The following PHACTR3 variants were observed in gnomAD, a reference collection of about 807,000 sequenced individuals.
The protein encoded by PHACTR3 is phosphatase and actin regulator 3.
Under a neutral mutation model 66.8 loss-of-function variants are expected in PHACTR3, and 16 were observed. The ratio of observed to expected loss-of-function variants is 0.24; its 90% confidence interval spans 0.16 to 0.36. PHACTR3 has a LOEUF of 0.36. Ranked by LOEUF, PHACTR3 falls within the 10% of genes least tolerant of loss-of-function variation. The pLI, the probability that PHACTR3 is intolerant of heterozygous loss-of-function variation, is 1.00. For missense variants in PHACTR3, 647 were observed against 719.9 expected, an observed-to-expected ratio of 0.90 and a Z score of 1.16; for synonymous variants, 323 against 292.1, an observed-to-expected ratio of 1.11 and a Z score of -1.08.
chr20:59,642,656 T>C (rs983345898), intron 1 of PHACTR3, among the ~76,000 whole-genome samples: 116 of 152,184 alleles, frequency 7.6e-4, no homozygotes, highest in African/African-American at 2.8e-3. Flanking sequence ...GCTTGAGGCT[T>C]TTGTTTGCTT....
At chr20:59,793,741 CT>C (rs762128646) in intron 7 of PHACTR3, among the ~76,000 whole-genome samples, 6 of 150,984 alleles carry the variant, frequency 4.0e-5, no homozygotes. Flanking sequence ...TTAGCTTTTC[CT>C]TTCTAATTTG....
At chr20:59,667,363 G>A (rs1258406444) in intron 1 of PHACTR3, among the ~76,000 whole-genome samples, 2 of 152,348 alleles carry the variant, frequency 1.3e-5, no homozygotes, top group East Asian at 3.9e-4. Context: ...CTTTGCCACA[G>A]GGCATTTGCT....
intron 1 of PHACTR3, among the ~76,000 whole-genome samples, chr20:59,669,834 C>T (rs1006530095): frequency 2.0e-5 from 3 of 152,178 alleles, no homozygotes; most frequent in Non-Finnish European, 4.4e-5. Flanking sequence ...AATGATATTC[C>T]ACTGTCTGGA....
chr20:59,837,993 A>G (rs1407831405), intron 9 of PHACTR3, among the ~76,000 whole-genome samples: 1 of 152,192 alleles, frequency 6.6e-6, no homozygotes, highest in Non-Finnish European at 1.5e-5. Context: ...AAATAGAACT[A>G]TCTTTGGTGA....
chr20:59,799,302 T>C (rs2041346254), intron 7 of PHACTR3, among the ~76,000 whole-genome samples: 1 of 152,174 alleles, frequency 6.6e-6, no homozygotes, highest in Non-Finnish European at 1.5e-5. Flanking sequence ...AATTGGTCGA[T>C]AATGTCATTC....
At chr20:59,744,354 C>T (rs1182470) in intron 2 of PHACTR3, among the ~76,000 whole-genome samples, 107,733 of 152,176 alleles carry the variant, frequency 0.71, 38,379 homozygotes, top group East Asian at 0.88. Context: ...CGGAGGAGGC[C>T]GCATCTCCAC....
At chr20:59,645,005 G>C (rs2146434323) in intron 1 of PHACTR3, among the ~76,000 whole-genome samples, 1 of 152,086 alleles carries the variant, frequency 6.6e-6, no homozygotes, top group African/African-American at 2.4e-5. Flanking sequence ...TTCAGCCCTT[G>C]TCCCCCTCCT....
chr20:59,682,803 G>A (rs544412209), intron 1 of PHACTR3, among the ~76,000 whole-genome samples: 1 of 152,352 alleles, frequency 6.6e-6, no homozygotes, highest in East Asian at 1.9e-4. Flanking sequence ...ACAGGGAGGA[G>A]GAGCCCGTGG....
intron 1 of PHACTR3, 47 bp from the exon 2 acceptor site, chr20:59,743,060 A>G (rs763312626): frequency 2.5e-6 from 4 of 1,587,500 alleles, no homozygotes; most frequent in Non-Finnish European, 3.4e-6. Context: ...CAGGAGTCAC[A>G]TAGGTTTGGT....
chr20:59,686,989 G>A (rs915377176), intron 1 of PHACTR3, among the ~76,000 whole-genome samples: 1 of 141,380 alleles, frequency 7.1e-6, no homozygotes, highest in Non-Finnish European at 1.6e-5. Flanking sequence ...GGTGATGATT[G>A]TGATGATGGT....
At chr20:59,746,490 C>T (rs970553514) in intron 2 of PHACTR3, among the ~76,000 whole-genome samples, 1 of 152,250 alleles carries the variant, frequency 6.6e-6, no homozygotes, top group African/African-American at 2.4e-5. Context: ...ACCTGATCAC[C>T]ATGGCCTGTT....
chr20:59,746,699 G>C (rs1379770261), intron 2 of PHACTR3, among the ~76,000 whole-genome samples: 1 of 152,220 alleles, frequency 6.6e-6, no homozygotes, highest in African/African-American at 2.4e-5. Context: ...GACTCTGTCT[G>C]TTCCCCGGCA....
intron 8 of PHACTR3, among the ~76,000 whole-genome samples, chr20:59,833,039 G>T (rs571684178): frequency 2.6e-5 from 4 of 152,120 alleles, no homozygotes; most frequent in Non-Finnish European, 4.4e-5. Flanking sequence ...CACTGTCTAG[G>T]GTTCTGCATC....
chr20:59,751,998 T>C (rs1450891594), intron 3 of PHACTR3, among the ~76,000 whole-genome samples: 1 of 152,216 alleles, frequency 6.6e-6, no homozygotes, highest in African/African-American at 2.4e-5. Context: ...TGCGTTGACT[T>C]GGCATTTTCT....
chr20:59,606,780 AAGG>A (rs774846253), intron 1 of PHACTR3, among the ~76,000 whole-genome samples: 7 of 151,954 alleles, frequency 4.6e-5, no homozygotes, highest in Non-Finnish European at 7.4e-5. Context: ...TCCATGAGAG[AAGG>A]AGGAGGAAGG....
At chr20:59,671,503 C>T (rs2036195659) in intron 1 of PHACTR3, among the ~76,000 whole-genome samples, 1 of 152,226 alleles carries the variant, frequency 6.6e-6, no homozygotes, top group Non-Finnish European at 1.5e-5. Flanking sequence ...GGGCCTAGGT[C>T]AGCCTGCAGA....
intron 11 of PHACTR3, chr20:59,843,805 G>A (rs1423185828): frequency 6.6e-6 from 1 of 151,950 alleles, no homozygotes; most frequent in Non-Finnish European, 1.5e-5. Flanking sequence ...CAAAAGCACA[G>A]ATAGCAACCA....
chr20:59,771,608 C>T (rs1025062388), intron 5 of PHACTR3, among the ~76,000 whole-genome samples: 3 of 151,980 alleles, frequency 2.0e-5, no homozygotes, highest in African/African-American at 4.8e-5. Flanking sequence ...CACTCTCTCT[C>T]CCAGCCCTTT....
At chr20:59,596,525 T>C (rs143632713) in intron 1 of PHACTR3, among the ~76,000 whole-genome samples, 4 of 152,370 alleles carry the variant, frequency 2.6e-5, no homozygotes, top group African/African-American at 9.6e-5. Context: ...CAGGTTTTTG[T>C]CTGGTTAATT....
Sources: gnomAD v4.1 joint callset for allele counts (sites outside exome capture counted in the v4.1 genomes callset) on GRCh38, gnomAD v4.1.1 for gene constraint, MANE v1.5 for transcripts, NCBI Gene and HGNC (gene_info 2026-07-23, HGNC 2026-07-21) for gene names.